The following PHKA1 variants were observed in gnomAD, a reference collection of about 807,000 sequenced individuals.
PHKA1 encodes phosphorylase kinase regulatory subunit alpha 1, also known as phosphorylase b kinase regulatory subunit alpha, skeletal muscle isoform.
In PHKA1, 60 loss-of-function variants were observed where a neutral mutation model predicts 110.2. The observed-to-expected ratio is 0.54, with a 90% confidence interval of 0.44 to 0.68. The LOEUF (loss-of-function observed/expected upper bound fraction) is 0.68. PHKA1 is among the 30% of genes least tolerant of loss of function. The pLI, the probability that PHKA1 is intolerant of heterozygous loss-of-function variation, is 0.00. For missense variants in PHKA1, 801 were observed against 942.5 expected (o/e 0.85, Z 1.97); for synonymous variants, 316 against 333.6 (o/e 0.95, Z 0.58).
rs782696770 is a variant in PHKA1 at position 72,640,402 on chromosome X, T to C, written c.1459+3960A>G. ...AAAATTAACAGAAAAAGGCTATTTA[T>C]GAAAATAACTTTTGAAGAAATTACG... On this transcript the variant is annotated intron_variant, in intron 14 of 31. Coordinates refer to ENST00000373542, the MANE Select transcript of PHKA1 (RefSeq NM_002637.4). Among the ~76,000 whole-genome samples the C allele has an allele frequency of 1.3e-4, 14 of 111,941 alleles. No homozygotes were observed. The South Asian group carries it at 5.2e-3, about 42-fold the overall frequency.
intron 4 of PHKA1, among the ~76,000 whole-genome samples, chrX:72,693,730 G>A (rs1178060021): frequency 8.9e-6 from 1 of 111,772 alleles, no homozygotes; most frequent in African/African-American, 3.3e-5. Flanking sequence ...GCAACATGGA[G>A]CTGGAGAGGA....
intron 13 of PHKA1, among the ~76,000 whole-genome samples, chrX:72,645,700 T>C (rs2053352289): frequency 8.9e-6 from 1 of 112,437 alleles, no homozygotes; most frequent in South Asian, 3.7e-4. Context: ...GATGAGGTGC[T>C]ATGCTAGTCA....
At chrX:72,669,047 G>C (rs555894064) in intron 6 of PHKA1, among the ~76,000 whole-genome samples, 1 of 112,513 alleles carries the variant, frequency 8.9e-6, no homozygotes, top group African/African-American at 3.2e-5. Context: ...TTGACTCTGC[G>C]CGCAGGTTGG....
At chrX:72,613,469 A>T (rs2147695893) in intron 21 of PHKA1, among the ~76,000 whole-genome samples, 1 of 110,947 alleles carries the variant, frequency 9.0e-6, no homozygotes, top group South Asian at 3.9e-4. Context: ...TGGGAGAAAG[A>T]CATTTTACCC....
chrX:72,713,684 A>ACACACACACACACACACACC, intron 1 of PHKA1, 119 bp downstream of exon 1: 1 of 571,206 alleles, frequency 1.8e-6, no homozygotes, highest in East Asian at 3.7e-5. Context: ...ACACACACAC[A>ACACACACACACACACACACC]CACACACACA....
At chrX:72,640,478 CAG>C (rs1556294636) in intron 14 of PHKA1, among the ~76,000 whole-genome samples, 1 of 112,022 alleles carries the variant, frequency 8.9e-6, no homozygotes, top group South Asian at 3.6e-4. Flanking sequence ...CAAAATGTAA[CAG>C]AGTTTATCAT....
intron 21 of PHKA1, among the ~76,000 whole-genome samples, chrX:72,613,642 C>T (rs1191169736): frequency 1.8e-5 from 2 of 111,818 alleles, no homozygotes; most frequent in South Asian, 7.5e-4. Flanking sequence ...CGTATATTTA[C>T]GTAGTCTCAA....
intron 2 of PHKA1, among the ~76,000 whole-genome samples, chrX:72,711,796 C>T (rs2054389270): frequency 9.1e-6 from 1 of 110,223 alleles, no homozygotes; most frequent in African/African-American, 3.3e-5. Flanking sequence ...TGGTGTGGAG[C>T]AAAAACTTGA....
chrX:72,669,903 G>A (rs2053665169), intron 6 of PHKA1, among the ~76,000 whole-genome samples: 1 of 110,437 alleles, frequency 9.1e-6, no homozygotes, highest in Non-Finnish European at 1.9e-5. Flanking sequence ...CCCAGTAATG[G>A]GATGGCTGGG....
rs201801160 is a variant in PHKA1, at chrX:72,620,843, G to C, written c.2019C>G (p.Pro673=). Residue 673 remains proline (P), a synonymous_variant, in exon 19 of 32, where the codon CCC becomes CCG. Transcript: ENST00000373542. ...GTGAGGTAGGGGCTAGTTTAGGATG[G>C]GGAGCAGTGTGCGCCAAAAGGTGAT... ...YLDHLLAHTA[P]HPKLAPTSQK... is the part of the protein sequence containing the mutation. 5.0e-6 allele frequency: 6 copies of C among 1,211,036 alleles called. No individual in the cohort carries two copies. The highest frequency in any genetic ancestry group is 6.7e-6 in the Non-Finnish European group (6 of 895,238).
intron 8 of PHKA1, among the ~76,000 whole-genome samples, chrX:72,658,469 A>C (rs1233832453): frequency 9.1e-6 from 1 of 109,371 alleles, no homozygotes; most frequent in Non-Finnish European, 1.9e-5. Context: ...AAAAAAAAAA[A>C]AAAAAAAAAC....
intron 13 of PHKA1, 134 bp from the exon 14 acceptor site, chrX:72,644,630 T>G: frequency 1.9e-6 from 1 of 529,198 alleles, no homozygotes; most frequent in Non-Finnish European, 3.1e-6. Context: ...TTGAGGAACT[T>G]TGATAAAATA....
At chrX:72,659,325 A>G (rs1281577484) in intron 8 of PHKA1, among the ~76,000 whole-genome samples, 4 of 111,250 alleles carry the variant, frequency 3.6e-5, no homozygotes, top group African/African-American at 1.3e-4. Flanking sequence ...GAACCATATG[A>G]AACTCCAGGC....
At chrX:72,712,009 T>C (rs1178451309) in intron 2 of PHKA1, 2 of 111,310 alleles carry the variant, frequency 1.8e-5, no homozygotes, top group African/African-American at 3.3e-5. Context: ...CTGGAGAAAA[T>C]GGCTGGTATA....
intron 18 of PHKA1, chrX:72,622,547 T>A (rs955190883): frequency 1.3e-6 from 1 of 752,876 alleles, no homozygotes; most frequent in Non-Finnish European, 1.6e-6. Flanking sequence ...CCTGCAATGC[T>A]TTCTCACTAT....
intron 8 of PHKA1, among the ~76,000 whole-genome samples, chrX:72,661,743 CAAAAAA>C (rs782779792): frequency 3.0e-5 from 1 of 33,112 alleles, no homozygotes; most frequent in African/African-American, 9.4e-5. Context: ...AATGTACTGA[CAAAAAA>C]AAAAAAAAAA....
intron 14 of PHKA1, among the ~76,000 whole-genome samples, chrX:72,641,582 CAAAGT>C (rs2147742558): frequency 9.0e-6 from 1 of 111,015 alleles, no homozygotes; most frequent in East Asian, 2.8e-4. Context: ...CTTACTTTCA[CAAAGT>C]TGATTAATCT....
chrX:72,705,497 C>A (rs150137657), intron 2 of PHKA1, among the ~76,000 whole-genome samples: 2 of 111,954 alleles, frequency 1.8e-5, no homozygotes, highest in Non-Finnish European at 3.8e-5. Flanking sequence ...TAAAAATAAG[C>A]CAACCATCCT....
At position 72,605,549 on chromosome X, in the gene PHKA1, G is replaced by A; in HGVS notation, c.2677C>T (p.Leu893Phe). 1 of 1,202,133 alleles carries A rather than the reference G, an allele frequency of 8.3e-7. No homozygotes were observed. The highest frequency in any genetic ancestry group is 1.1e-6 in the Non-Finnish European group (1 of 886,686). Residue 893 changes from leucine (L) to phenylalanine (F), a missense_variant, in exon 24 of 32, where the codon CTT (leucine) becomes TTT (phenylalanine). Physicochemically the swap from Leu to Phe is conservative, Grantham distance 22. Around this residue, in one of 2 missense-constraint regions of PHKA1, gnomAD observed 502 missense variants for 519.2 expected, o/e 0.97. Coordinates refer to ENST00000373542, the MANE Select transcript of PHKA1 (RefSeq NM_002637.4). ...TTTACAATTCTTCTCACCTGTGTAA[G>A]GATTGAAATGCTCATATCCCCTTCA... ...ASEGDMSISI[L>F]TQEIMVYLAM...
Sources: gnomAD v4.1 joint callset for allele counts (sites outside exome capture counted in the v4.1 genomes callset) on GRCh38, gnomAD v4.1.1 for gene constraint, gnomAD v4.1.1 regional missense constraint, MANE v1.5 for transcripts, NCBI Gene and HGNC (gene_info 2026-07-23, HGNC 2026-07-21) for gene names.